CFTR: variants seen among roughly 807,000 people sequenced by gnomAD.
The protein encoded by CFTR is CF transmembrane conductance regulator.
CFTR carries 181 observed loss-of-function variants against 171.6 expected under a neutral mutation model. The observed-to-expected ratio is 1.05, with a 90% CI of 0.93 to 1.19. The LOEUF (loss-of-function observed/expected upper bound fraction) is 1.19, where lower values mean the gene tolerates loss of function less well. Ranked by LOEUF, CFTR falls within the 50% of genes most tolerant of loss-of-function variation. The pLI, the probability that CFTR is intolerant of heterozygous loss-of-function variation, is 0.00. For synonymous variants in CFTR, 583 were observed against 608.0 expected (o/e 0.96, Z 0.60); for missense variants, 1,968 against 1,734.7 (o/e 1.13, Z -2.39).
At chr7:117,524,392 GAAA>G (rs541815578) in intron 3 of CFTR, among the ~76,000 whole-genome samples, 4 of 113,158 alleles carry the variant, frequency 3.5e-5, no homozygotes, top group African/African-American at 1.3e-4. Flanking sequence ...CACTAGTCAT[GAAA>G]AAAAAAAAAA....
chr7:117,577,481 A>G (rs1313471939), intron 11 of CFTR, among the ~76,000 whole-genome samples: 2 of 152,104 alleles, frequency 1.3e-5, no homozygotes, highest in Admixed American at 6.6e-5. Context: ...TTAACTGAGG[A>G]AAAAAAGGGC....
intron 10 of CFTR, among the ~76,000 whole-genome samples, chr7:117,554,663 G>A (rs1336567282): frequency 1.3e-5 from 2 of 152,048 alleles, no homozygotes; most frequent in African/African-American, 4.8e-5. Context: ...AGGTTAAGGA[G>A]GTGGGTGAAG....
chr7:117,629,909 A>G (rs968543538), intron 22 of CFTR, among the ~76,000 whole-genome samples: 3 of 152,202 alleles, frequency 2.0e-5, no homozygotes, highest in African/African-American at 7.2e-5. Context: ...ATTTTCCACA[A>G]TGGAGGAAAC....
rs1793330410 is a variant in CFTR at position 117,664,155 on chromosome 7, T to C, written c.3964-533T>C. ...ATATGTAATTTAAAAAACCCCACAG[T>C]TGACTATTTTATGCTATCTTTTGTC... is the stretch of plus-strand genomic sequence containing the variant. On this transcript the variant is annotated intron_variant, in intron 24 of 26. Transcript: ENST00000003084. Among the ~76,000 whole-genome samples the C allele has an allele frequency of 2.0e-5, 3 of 152,202 alleles. No homozygotes were observed. The South Asian group carries it at 6.2e-4, about 31-fold the overall frequency.
At chr7:117,536,906 C>T (rs35071293) in intron 7 of CFTR, among the ~76,000 whole-genome samples, 2 of 152,114 alleles carry the variant, frequency 1.3e-5, no homozygotes, top group South Asian at 4.1e-4. Context: ...TATACTGATA[C>T]GTTATTAAAG....
intron 18 of CFTR, among the ~76,000 whole-genome samples, chr7:117,608,558 G>A (rs896567857): frequency 6.6e-6 from 1 of 152,148 alleles, no homozygotes; most frequent in African/African-American, 2.4e-5. Flanking sequence ...TGTTTCACAA[G>A]TGATTAGGCA....
chr7:117,516,643 A>G (rs1798600238), intron 3 of CFTR, among the ~76,000 whole-genome samples: 1 of 152,062 alleles, frequency 6.6e-6, no homozygotes, highest in South Asian at 2.1e-4. Context: ...TCTAGTTCAA[A>G]TATTAGTTTT....
chr7:117,602,969 C>A (rs1297043837), intron 16 of CFTR, 106 bp downstream of exon 16: 2 of 1,084,744 alleles, frequency 1.8e-6, no homozygotes, highest in Non-Finnish European at 2.9e-6. Flanking sequence ...TTTCATTTCT[C>A]CCAAGCATTA....
chr7:117,655,804 G>T (rs1234889171), intron 24 of CFTR, among the ~76,000 whole-genome samples: 1 of 152,088 alleles, frequency 6.6e-6, no homozygotes, highest in Non-Finnish European at 1.5e-5. Flanking sequence ...TTCAAAATCT[G>T]GTGCCAGCAG....
In CFTR at chr7:117,540,130, C is replaced by A. The variant is rs146652541; in HGVS notation, c.900C>A (p.Ala300=). 5 of 1,613,250 alleles carry A rather than the reference C, an allele frequency of 3.1e-6. No individual in the cohort carries two copies. The African/African-American group carries it at 5.3e-5, about 17-fold the overall frequency. Residue 300 remains alanine (A), a synonymous_variant, in exon 8 of 27, where the codon GCC becomes GCA. Transcript: ENST00000003084. ...QTELKLTRKA[A]YVRYFNSSAF... ...AACTGAAACTGACTCGGAAGGCAGC[C>A]TATGTGAGATACTTCAATAGCTCAG... is the stretch of plus-strand genomic sequence containing the variant.
At chr7:117,666,772 C>T (rs1793382390) in intron 26 of CFTR, 136 bp from the exon 27 acceptor site, 2 of 763,508 alleles carry the variant, frequency 2.6e-6, no homozygotes, top group Non-Finnish European at 4.7e-6. Flanking sequence ...TGTGACATAC[C>T]TGATTGTTCA....
At chr7:117,521,602 T>G (rs1306643152) in intron 3 of CFTR, among the ~76,000 whole-genome samples, 1 of 152,142 alleles carries the variant, frequency 6.6e-6, no homozygotes, top group Non-Finnish European at 1.5e-5. Context: ...TGTCCTATTA[T>G]TCTTGGAATA....
rs565836280 is a variant in CFTR at position 117,639,129 on chromosome 7, G to A, written c.3718-3309G>A. On this transcript the variant is annotated intron_variant, in intron 22 of 26. Coordinates refer to ENST00000003084, the MANE Select transcript of CFTR (RefSeq NM_000492.4). ...ATATTCTGTGCAGAAAAATTATTCA[G>A]TCTTCATGTGAAAACACTTTGTCCA... Among the ~76,000 whole-genome samples the A allele has an allele frequency of 9.3e-4, 141 of 152,240 alleles. 1 individual carries two copies. Among genetic ancestry groups the A allele is most frequent in the African/African-American group, 3.4e-3 (141 of 41,556 alleles).
intron 22 of CFTR, among the ~76,000 whole-genome samples, chr7:117,642,180 G>A (rs1792924603): frequency 6.6e-6 from 1 of 152,154 alleles, no homozygotes. Context: ...GTAAAGGTCA[G>A]TGATAAAGGA....
At chr7:117,522,152 C>CT (rs1798694643) in intron 3 of CFTR, among the ~76,000 whole-genome samples, 1 of 152,152 alleles carries the variant, frequency 6.6e-6, no homozygotes, top group Non-Finnish European at 1.5e-5. Context: ...AATCTGAGCC[C>CT]CTCTACCCAG....
intron 18 of CFTR, among the ~76,000 whole-genome samples, chr7:117,609,625 G>T (rs900090411): frequency 1.3e-5 from 2 of 152,046 alleles, no homozygotes; most frequent in African/African-American, 4.8e-5. Flanking sequence ...GCTCCGAAAG[G>T]TTAGATAGCT....
At chr7:117,654,624 C>T (rs894049422) in intron 24 of CFTR, among the ~76,000 whole-genome samples, 1 of 152,158 alleles carries the variant, frequency 6.6e-6, no homozygotes, top group Non-Finnish European at 1.5e-5. Flanking sequence ...TTTCCCTGCT[C>T]TTGCACCCTC....
chr7:117,609,357 G>C (rs536461385), intron 18 of CFTR, among the ~76,000 whole-genome samples: 1 of 152,236 alleles, frequency 6.6e-6, no homozygotes, highest in South Asian at 2.1e-4. Flanking sequence ...CAGTTCTAAA[G>C]TTATATCAGT....
At position 117,563,367 on chromosome 7, in the gene CFTR, A is replaced by G. The variant is rs34042174; in HGVS notation, c.1584+3712A>G. ...AGGAAACCATTTCAGGAATCCAGAT[A>G]TGGTCATGATGGACAGGAAGAGACA... On this transcript the variant is annotated intron_variant, in intron 11 of 26. Coordinates refer to ENST00000003084, the MANE Select transcript of CFTR (RefSeq NM_000492.4). Among the ~76,000 whole-genome samples, 820 of 152,292 alleles carry G rather than the reference A, an allele frequency of 5.4e-3. 7 individuals carry two copies. Among genetic ancestry groups the G allele is most frequent in the African/African-American group, 0.018 (765 of 41,556 alleles).
Sources: gnomAD v4.1 joint callset for allele counts (sites outside exome capture counted in the v4.1 genomes callset) on GRCh38, gnomAD v4.1.1 for gene constraint, MANE v1.5 for transcripts, NCBI Gene and HGNC (gene_info 2026-07-23, HGNC 2026-07-21) for gene names.